Variants in CLYBL observed in about 807,000 individuals in gnomAD.
CLYBL encodes the protein citramalyl-CoA lyase, also known as citramalyl-CoA lyase, mitochondrial.
Under a neutral mutation model 38.9 loss-of-function variants are expected in CLYBL, and 31 were observed. The observed-to-expected ratio is 0.80, with a 90% CI of 0.60 to 1.08. CLYBL has a LOEUF of 1.08. CLYBL is among the 50% of genes least tolerant of loss of function. CLYBL has a pLI of 0.00. For synonymous variants in CLYBL, 171 were observed against 158.6 expected (o/e 1.08, Z -0.59); for missense variants, 434 against 411.6 (o/e 1.05, Z -0.47).
chr13:99,745,252 T>C (rs1420698920), intron 1 of CLYBL, among the ~76,000 whole-genome samples: 3 of 152,236 alleles, frequency 2.0e-5, no homozygotes, highest in African/African-American at 7.2e-5. Flanking sequence ...ACATAGATTA[T>C]TATAGACATA....
At position 99,871,197 on chromosome 13, in the gene CLYBL, A is replaced by T. The variant is rs148145810; in HGVS notation, c.927+135A>T. The T allele has an allele frequency of 3.3e-3, 3,270 of 992,572 alleles. 28 individuals carry two copies. The East Asian group carries it at 0.033, about 10-fold the overall frequency. The allele number at this position is 992,572 out of a possible 1,614,324, so 61.5% of individuals were successfully genotyped here. A position where few individuals can be genotyped will look rare whatever the true frequency, so the allele number is the denominator to read the frequency against. ...AGGGGGGAAAGGGAGGGAACACAAC[A>T]TTCACCAGTGAGAAAATTGCTTGAG... On this transcript the variant is annotated intron_variant, in intron 7 of 8. Transcript: ENST00000339105.
intron 1 of CLYBL, among the ~76,000 whole-genome samples, chr13:99,672,611 CAA>C (rs74323182): frequency 6.7e-5 from 9 of 135,208 alleles, no homozygotes; most frequent in Admixed American, 7.4e-5. Flanking sequence ...CCATCTCTAC[CAA>C]AAAAAAAAAA....
intron 2 of CLYBL, among the ~76,000 whole-genome samples, chr13:99,789,035 A>G (rs573654546): frequency 1.3e-5 from 2 of 152,140 alleles, no homozygotes; most frequent in East Asian, 3.9e-4. Flanking sequence ...TTTCTGTGGG[A>G]TCGGTGGTGA....
rs2046586523 is a variant in CLYBL, at chr13:99,609,182, T to TTG, written c.62+2426_62+2427insGT. Among the ~76,000 whole-genome samples, 3 of 130,372 alleles carry TTG rather than the reference T, an allele frequency of 2.3e-5. No individual in the cohort carries two copies. The Admixed American group carries it at 2.3e-4, about 10-fold the overall frequency. The allele number at this position is 130,372 out of a possible 152,430, so 85.5% of individuals were successfully genotyped here. A position where few individuals can be genotyped will look rare whatever the true frequency, so the allele number is the denominator to read the frequency against. ...TGACCTGTCTTTGTTTTTTTTTTTT[T>TTG]TTTTTTTTTTTTTGAGACAGAGTCT... is the stretch of plus-strand genomic sequence containing the variant. On this transcript the variant is annotated intron_variant, in intron 1 of 8. Transcript: ENST00000339105.
At position 99,770,356 on chromosome 13, in the gene CLYBL, CA is replaced by C. The variant is rs1404622658; in HGVS notation, c.63-2467del. Among the ~76,000 whole-genome samples, 6 of 152,220 alleles carry C rather than the reference CA, an allele frequency of 3.9e-5. No individual in the cohort carries two copies. In the East Asian group the frequency reaches 1.2e-3, roughly 29 times the overall value. On this transcript the variant is annotated intron_variant, in intron 1 of 8. Coordinates refer to ENST00000339105, the MANE Select transcript of CLYBL (RefSeq NM_206808.5). ...TTTTTGAGACGGAGTCTCGCTCTGT[CA>C]CCCAGGGTAGAGTACAGTGGCGCAA...
At chr13:99,791,649 C>T (rs1253068149) in intron 2 of CLYBL, among the ~76,000 whole-genome samples, 5 of 152,184 alleles carry the variant, frequency 3.3e-5, no homozygotes, top group Admixed American at 2.0e-4. Context: ...TTCCACCCCA[C>T]AGAATTAGAT....
At chr13:99,743,636 C>G (rs894303888) in intron 1 of CLYBL, among the ~76,000 whole-genome samples, 2 of 152,176 alleles carry the variant, frequency 1.3e-5, no homozygotes, top group African/African-American at 4.8e-5. Context: ...TGGAAAGCAG[C>G]TGTGATTTGA....
chr13:99,737,635 T>C (rs2048689032), intron 1 of CLYBL, among the ~76,000 whole-genome samples: 1 of 152,190 alleles, frequency 6.6e-6, no homozygotes, highest in African/African-American at 2.4e-5. Context: ...AGAGGAGTCA[T>C]GTGCGCAAGA....
intron 1 of CLYBL, among the ~76,000 whole-genome samples, chr13:99,621,236 T>G (rs2046791624): frequency 6.6e-6 from 1 of 152,152 alleles, no homozygotes; most frequent in Non-Finnish European, 1.5e-5. Context: ...TACCTGCCGC[T>G]AAAGTCCAGG....
At chr13:99,632,321 A>T (rs2046957493) in intron 1 of CLYBL, among the ~76,000 whole-genome samples, 1 of 152,246 alleles carries the variant, frequency 6.6e-6, no homozygotes. Context: ...TACCATAGGG[A>T]AGACAGAACT....
At chr13:99,741,657 A>G (rs904135269) in intron 1 of CLYBL, among the ~76,000 whole-genome samples, 2 of 152,202 alleles carry the variant, frequency 1.3e-5, no homozygotes, top group African/African-American at 4.8e-5. Flanking sequence ...AAGTATTTGT[A>G]GTAGAGACGG....
intron 1 of CLYBL, among the ~76,000 whole-genome samples, chr13:99,734,694 C>T (rs998929777): frequency 3.3e-5 from 5 of 152,148 alleles, no homozygotes; most frequent in Non-Finnish European, 5.9e-5. Flanking sequence ...TATATTCTAA[C>T]GCAGGGGCCA....
chr13:99,660,296 G>A (rs2047390330), intron 1 of CLYBL, among the ~76,000 whole-genome samples: 1 of 152,200 alleles, frequency 6.6e-6, no homozygotes, highest in East Asian at 1.9e-4. Flanking sequence ...AAAGGCAATT[G>A]AACAGTGGTA....
intron 2 of CLYBL, among the ~76,000 whole-genome samples, chr13:99,802,911 G>C (rs555573850): frequency 6.6e-6 from 1 of 152,190 alleles, no homozygotes; most frequent in Admixed American, 6.5e-5. Context: ...AGCGCTTACC[G>C]TTCACACTAG....
chr13:99,766,346 A>G (rs4288858), intron 1 of CLYBL, among the ~76,000 whole-genome samples: 82,153 of 151,938 alleles, frequency 0.54, 22,266 homozygotes, highest in Middle Eastern at 0.59. Flanking sequence ...ATATTTCTCC[A>G]TTCTAAGATT....
At chr13:99,608,847 C>CTTTTTTTTTTTTTTTTT (rs57961216) in intron 1 of CLYBL, among the ~76,000 whole-genome samples, 4 of 87,886 alleles carry the variant, frequency 4.6e-5, no homozygotes, top group East Asian at 6.2e-4. Context: ...AGTGATGAGT[C>CTTTTTTTTTTTTTTTTT]TTTTTTTTTT....
intron 1 of CLYBL, among the ~76,000 whole-genome samples, chr13:99,624,380 G>A (rs1008289750): frequency 6.6e-6 from 1 of 152,128 alleles, no homozygotes; most frequent in Non-Finnish European, 1.5e-5. Flanking sequence ...GACATGAGCG[G>A]GTGGAAAGGC....
At chr13:99,852,174 G>A (rs1447280670) in intron 2 of CLYBL, among the ~76,000 whole-genome samples, 1 of 152,188 alleles carries the variant, frequency 6.6e-6, no homozygotes, top group Admixed American at 6.5e-5. Context: ...CCTAGGTCTG[G>A]AGGGTTGGGG....
intron 1 of CLYBL, among the ~76,000 whole-genome samples, chr13:99,627,593 T>G (rs1274329420): frequency 6.6e-6 from 1 of 152,238 alleles, no homozygotes. Context: ...TATTTGAATT[T>G]GAAATTTTTT....
Sources: allele counts gnomAD v4.1 joint callset (sites outside exome capture counted in the v4.1 genomes callset), GRCh38; gene constraint gnomAD v4.1.1; transcripts MANE v1.5; gene names NCBI Gene and HGNC (gene_info 2026-07-23, HGNC 2026-07-21).